The following NLRP1 variants were observed in gnomAD, a reference collection of about 807,000 sequenced individuals.
The protein encoded by NLRP1 is NLR family pyrin domain containing 1.
In NLRP1, 94 loss-of-function variants were observed where a neutral mutation model predicts 136.7. The ratio of observed to expected loss-of-function variants is 0.69; its 90% CI spans 0.58 to 0.82. NLRP1 has a LOEUF of 0.82. Among genes scored for constraint, NLRP1 ranks in the 40% least tolerant of loss-of-function variants. NLRP1 has a pLI of 0.00. For missense variants in NLRP1, 1,575 were observed against 1,802.7 expected, an observed-to-expected ratio of 0.87 and a Z score of 2.29; for synonymous variants, 690 against 725.1, an observed-to-expected ratio of 0.95 and a Z score of 0.78.
chr17:5,508,280 C>T (rs555218989), intron 15 of NLRP1, among the ~76,000 whole-genome samples: 24 of 152,152 alleles, frequency 1.6e-4, no homozygotes, highest in Admixed American at 7.9e-4. Flanking sequence ...CCTGGGTGAC[C>T]GAACGAGACT....
chr17:5,579,863 C>A (rs939267483), intron 3 of NLRP1, among the ~76,000 whole-genome samples: 3 of 152,110 alleles, frequency 2.0e-5, no homozygotes, highest in African/African-American at 7.2e-5. Context: ...GTAAACATTG[C>A]GTACACATGG....
chr17:5,530,729 CACTT>C (rs767021756), intron 11 of NLRP1, 25 bp from the exon 12 acceptor site: 6 of 1,578,120 alleles, frequency 3.8e-6, no homozygotes, highest in East Asian at 2.2e-5. Flanking sequence ...GAGAGGCAGA[CACTT>C]ACTGCACGAA....
In NLRP1 at chr17:5,579,567, T is replaced by G. The variant is rs546238063; in HGVS notation, c.652+2292A>C. Among the ~76,000 whole-genome samples, 6 of 152,334 alleles carry G rather than the reference T, an allele frequency of 3.9e-5. No individual in the cohort carries two copies. The East Asian group carries it at 1.2e-3, about 29-fold the overall frequency. ...AAGAACTCTGAACTATCATTCAATCTAGCAATCCCATTATTGGGTATATAC... is the reference window on the plus strand; with the variant it reads ...AAGAACTCTGAACTATCATTCAATCGAGCAATCCCATTATTGGGTATATAC... On this transcript the variant is annotated intron_variant, in intron 3 of 16. Coordinates refer to ENST00000572272, the MANE Select transcript of NLRP1 (RefSeq NM_033004.4).
intron 4 of NLRP1, among the ~76,000 whole-genome samples, chr17:5,557,791 G>A (rs527414221): frequency 6.6e-6 from 1 of 152,302 alleles, no homozygotes; most frequent in East Asian, 1.9e-4. Context: ...TTGAGTGCGT[G>A]GGGCAATGGT....
chr17:5,524,011 C>T (rs34738364), intron 12 of NLRP1, among the ~76,000 whole-genome samples: 7,446 of 152,232 alleles, frequency 0.049, 215 homozygotes, highest in Middle Eastern at 0.092. Context: ...ACAGCCTCCG[C>T]CTCCTGGGTT....
At chr17:5,546,126 A>G (rs1912629277) in intron 5 of NLRP1, among the ~76,000 whole-genome samples, 1 of 152,162 alleles carries the variant, frequency 6.6e-6, no homozygotes, top group Non-Finnish European at 1.5e-5. Context: ...CTAGACAGAG[A>G]TGGATTCAAA....
intron 12 of NLRP1, among the ~76,000 whole-genome samples, chr17:5,523,585 C>T (rs1278517456): frequency 1.3e-5 from 2 of 152,206 alleles, no homozygotes; most frequent in Non-Finnish European, 2.9e-5. Context: ...ATTGCAGTCT[C>T]TGACCAGCGC....
chr17:5,534,782 T>C (rs1227269871), intron 8 of NLRP1, among the ~76,000 whole-genome samples: 1 of 152,082 alleles, frequency 6.6e-6, no homozygotes, highest in East Asian at 1.9e-4. Flanking sequence ...TGGGGGAAAA[T>C]GGAAAGTTTT....
intron 8 of NLRP1, among the ~76,000 whole-genome samples, chr17:5,534,966 A>G (rs1329591990): frequency 6.6e-6 from 1 of 152,196 alleles, no homozygotes; most frequent in Non-Finnish European, 1.5e-5. Context: ...TCACGCCTGG[A>G]ATCCCAGCAC....
intron 5 of NLRP1, among the ~76,000 whole-genome samples, chr17:5,542,305 G>T: frequency 6.6e-6 from 1 of 152,116 alleles, no homozygotes; most frequent in East Asian, 1.9e-4. Flanking sequence ...ACAGGGCTCT[G>T]GGGACTTGGA....
chr17:5,573,866 C>T (rs1014558684), intron 3 of NLRP1, among the ~76,000 whole-genome samples: 1 of 152,138 alleles, frequency 6.6e-6, no homozygotes, highest in Non-Finnish European at 1.5e-5. Context: ...AAAAAACTGA[C>T]CAGAAAAGCT....
chr17:5,577,143 G>A (rs977311260), intron 3 of NLRP1, among the ~76,000 whole-genome samples: 11 of 152,146 alleles, frequency 7.2e-5, no homozygotes, highest in African/African-American at 1.7e-4. Context: ...ATGGCAAACC[G>A]ACAGCCAATA....
chr17:5,501,831 C>A (rs201026015), exon 16 of NLRP1: 27 of 1,613,858 alleles, frequency 1.7e-5, no homozygotes, highest in Non-Finnish European at 2.3e-5. Flanking sequence ...CTCCTGGCGT[C>A]TCTGTTGCAC....
chr17:5,520,317 C>T (rs1039437856), intron 14 of NLRP1, among the ~76,000 whole-genome samples: 1 of 152,004 alleles, frequency 6.6e-6, no homozygotes, highest in Non-Finnish European at 1.5e-5. Flanking sequence ...TCTTTTTTGT[C>T]ATCTGGAGGC....
intron 4 of NLRP1, among the ~76,000 whole-genome samples, chr17:5,554,303 A>G (rs34676708): frequency 0.066 from 10,013 of 152,118 alleles, 421 homozygotes; most frequent in African/African-American, 0.11. Flanking sequence ...GACTCATGGA[A>G]TTTCCACCCA....
At chr17:5,569,028 C>T (rs1045148677) in intron 3 of NLRP1, among the ~76,000 whole-genome samples, 14 of 152,058 alleles carry the variant, frequency 9.2e-5, no homozygotes, top group African/African-American at 3.4e-4. Context: ...CCAAACTAAG[C>T]CTTATAAGCG....
intron 15 of NLRP1, among the ~76,000 whole-genome samples, chr17:5,506,965 CTT>C (rs1487406155): frequency 6.7e-6 from 1 of 149,334 alleles, no homozygotes; most frequent in Middle Eastern, 3.3e-3. Context: ...ACCTTGAACA[CTT>C]TGTGATAAGT....
chr17:5,533,380 C>T lies in NLRP1; in HGVS notation c.3057G>A (p.Arg1019=). Residue 1019 remains arginine, a synonymous_variant, in exon 10 of 17, where the codon AGG becomes AGA. Transcript: ENST00000572272. ...TAGCCTGAGCAACATGGGAAGCCGC[C>T]CTCTCTACAGAAAAAAGAAAAATAT... ...SLKRQRLGSE[R]AASHVAQANL... is the part of the protein sequence containing the mutation. 6 of 1,140,360 alleles carry T rather than the reference C, an allele frequency of 5.3e-6. No homozygotes were observed. Among genetic ancestry groups the T allele is most frequent in the Non-Finnish European group, 7.8e-6 (6 of 772,470 alleles). 70.6% of individuals were successfully genotyped at this position (1,140,360 alleles called of 1,614,324 possible).
chr17:5,532,913 G>T lies in NLRP1; in HGVS notation c.3205C>A (p.His1069Asn). ...TCGTCAGTCCCCAAAGGCTTCGTAT[G>T]CAGGTCCCCTTGAGAGGCAGGAGAA... ...VPSPASQGDLHTKPLGTDDDF... is the reference protein window; with the variant it reads ...VPSPASQGDLNTKPLGTDDDF... The change falls in exon 11 of 17, where the codon CAT becomes AAT. Residue 1069 changes from histidine to asparagine, a missense_variant. Physicochemically the swap from His to Asn is moderately conservative, Grantham distance 68. Coordinates refer to ENST00000572272, the MANE Select transcript of NLRP1 (RefSeq NM_033004.4). 2 of 1,614,000 alleles carry T rather than the reference G, an allele frequency of 1.2e-6. No homozygotes were observed. Among genetic ancestry groups the T allele is most frequent in the Non-Finnish European group, 1.7e-6 (2 of 1,179,882 alleles).
Sources: allele counts gnomAD v4.1 joint callset (sites outside exome capture counted in the v4.1 genomes callset), GRCh38; gene constraint gnomAD v4.1.1; transcripts MANE v1.5; gene names NCBI Gene and HGNC (gene_info 2026-07-23, HGNC 2026-07-21).